The following RSF1 variants were observed in gnomAD, a reference collection of about 807,000 sequenced individuals.
RSF1 encodes the protein HBV pX-associated protein 8.
Under a neutral mutation model 145.2 loss-of-function variants are expected in RSF1, and 13 were observed. That is an observed-to-expected ratio of 0.09 (90% CI 0.06 to 0.14). RSF1 has a LOEUF of 0.14. RSF1 is among the 10% of genes least tolerant of loss of function. The probability of loss-of-function intolerance (pLI) is 1.00; values close to 1 mark genes in which losing one functional copy is unlikely to be tolerated. For synonymous variants in RSF1, 577 were observed against 592.6 expected (o/e 0.97, Z 0.38); for missense variants, 1,517 against 1,718.2 (o/e 0.88, Z 2.07).
At chr11:77,778,679 C>T (rs4945210) in intron 1 of RSF1, among the ~76,000 whole-genome samples, 21,582 of 152,100 alleles carry the variant, frequency 0.14, 1,747 homozygotes, top group Admixed American at 0.2. Context: ...ATGAGTCTCA[C>T]TATGTTGCCC....
intron 2 of RSF1, 71 bp from the exon 3 acceptor site, chr11:77,747,199 T>C (rs981899881): frequency 9.6e-6 from 9 of 939,534 alleles, no homozygotes; most frequent in East Asian, 2.5e-5. Context: ...TGTACAACTA[T>C]GCTGTTCTTG....
intron 2 of RSF1, among the ~76,000 whole-genome samples, chr11:77,754,451 A>T (rs76983002): frequency 6.6e-6 from 1 of 151,968 alleles, no homozygotes; most frequent in Non-Finnish European, 1.5e-5. Flanking sequence ...AAAATTTTAA[A>T]AATTAGGGCT....
At chr11:77,826,190 C>T in the RSF1 span, among the ~76,000 whole-genome samples, 3 of 151,880 alleles carry the variant, frequency 2.0e-5, no homozygotes, top group African/African-American at 4.8e-5. Context: ...GGTGAAACTT[C>T]GTCTCTACTA....
chr11:77,782,473 G>A (rs1354885405), intron 1 of RSF1, among the ~76,000 whole-genome samples: 3 of 152,164 alleles, frequency 2.0e-5, no homozygotes, highest in South Asian at 4.2e-4. Flanking sequence ...TCCAGGAGGT[G>A]GAAGTTGCAG....
chr11:77,668,739 T>C (rs1030749047), intron 15 of RSF1, among the ~76,000 whole-genome samples: 1 of 152,204 alleles, frequency 6.6e-6, no homozygotes, highest in East Asian at 1.9e-4. Context: ...ACAGAGGATA[T>C]GGGTAGGTTA....
chr11:77,775,179 C>T (rs1948329346), intron 1 of RSF1, among the ~76,000 whole-genome samples: 1 of 150,304 alleles, frequency 6.7e-6, no homozygotes, highest in Non-Finnish European at 1.5e-5. Flanking sequence ...ACCCGGGAGG[C>T]AGAGGTTGCA....
chr11:77,863,934 T>C, the RSF1 span, among the ~76,000 whole-genome samples: 1 of 143,812 alleles, frequency 7.0e-6, no homozygotes, highest in Non-Finnish European at 1.5e-5. Flanking sequence ...AGATGATCCC[T>C]TTTTTTTTTG....
rs762964080 is a variant in RSF1, at chr11:77,700,747, T to C, written c.2482A>G (p.Lys828Glu). 1.6e-5 allele frequency: 26 copies of C among 1,587,160 alleles called. No individual in the cohort carries two copies. Among genetic ancestry groups the C allele is most frequent in the Non-Finnish European group, 2.0e-5 (24 of 1,174,270 alleles). ...TTGCTTACTTTAGAATTTGTATCTT[T>C]CTCTGATTTTTTCAAAATTTCCTTT... Reference protein sequence around the residue: ...DKKEILKKSEKDTNSKVSKVK... With the variant: ...DKKEILKKSEEDTNSKVSKVK... The change falls in exon 6 of 16, where the codon AAA becomes GAA. Residue 828 changes from lysine to glutamate, a missense_variant. Transcript: ENST00000308488.
intron 1 of RSF1, among the ~76,000 whole-genome samples, chr11:77,782,345 A>G (rs1338507468): frequency 1.3e-5 from 2 of 152,212 alleles, no homozygotes; most frequent in African/African-American, 4.8e-5. Context: ...GCTGGAGACC[A>G]GCCAGGCCAA....
chr11:77,816,631 G>A (rs1260997099), intron 1 of RSF1, among the ~76,000 whole-genome samples: 5 of 152,128 alleles, frequency 3.3e-5, no homozygotes, highest in Admixed American at 2.0e-4. Flanking sequence ...CCAATATCCA[G>A]ACTGTTTTTA....
At chr11:77,775,222 T>G (rs1590879540) in intron 1 of RSF1, among the ~76,000 whole-genome samples, 1 of 146,864 alleles carries the variant, frequency 6.8e-6, no homozygotes, top group African/African-American at 2.5e-5. Context: ...CATTCCAGCC[T>G]GGGGGACAAC....
chr11:77,813,820 G>GACACACACACACAC (rs10688175), intron 1 of RSF1: 31 of 169,352 alleles, frequency 1.8e-4, no homozygotes, highest in Non-Finnish European at 3.0e-4. Flanking sequence ...TTTGTAAAAG[G>GACACACACACACAC]ACACACACAC....
At chr11:77,871,624 T>A in the RSF1 span, among the ~76,000 whole-genome samples, 84 of 152,300 alleles carry the variant, frequency 5.5e-4, no homozygotes, top group African/African-American at 1.8e-3. Flanking sequence ...GTAAGTACTA[T>A]TATACCTATT....
intron 4 of RSF1, among the ~76,000 whole-genome samples, chr11:77,730,907 C>T (rs549505731): frequency 3.9e-5 from 6 of 152,234 alleles, no homozygotes; most frequent in Non-Finnish European, 8.8e-5. Flanking sequence ...TTGTAAATTG[C>T]CAAGTCTTGT....
intron 5 of RSF1, among the ~76,000 whole-genome samples, chr11:77,719,864 T>C (rs1960904393): frequency 6.6e-6 from 1 of 152,246 alleles, no homozygotes; most frequent in African/African-American, 2.4e-5. Context: ...TTACGCTAGA[T>C]GAAAATGTCA....
chr11:77,747,240 C>A, intron 2 of RSF1, 112 bp from the exon 3 acceptor site: 1 of 639,986 alleles, frequency 1.6e-6, no homozygotes. Context: ...AAAGAGGTTA[C>A]ACTAAACAGT....
At position 77,663,215 on chromosome 11, in the gene RSF1, G is replaced by A. The variant is rs1008535501; in HGVS notation, c.*3702C>T. 2 of 152,102 alleles carry A rather than the reference G, an allele frequency of 1.3e-5. No individual in the cohort carries two copies. Among genetic ancestry groups the A allele is most frequent in the Non-Finnish European group, 2.9e-5 (2 of 68,016 alleles). The allele number at this position is 152,102 out of a possible 1,614,324, so 9.4% of individuals were successfully genotyped here. ...ACAGTTGTGTGGTAGAATCAGCAAAGGGTTAACATCTCTTATGCCCACAAA... is the reference window on the plus strand; with the variant it reads ...ACAGTTGTGTGGTAGAATCAGCAAAAGGTTAACATCTCTTATGCCCACAAA... On this transcript the variant is annotated 3_prime_UTR_variant, in exon 16 of 16. Transcript: ENST00000308488.
chr11:77,764,900 T>C (rs958625543), intron 1 of RSF1, among the ~76,000 whole-genome samples: 5 of 152,160 alleles, frequency 3.3e-5, no homozygotes, highest in Non-Finnish European at 7.4e-5. Context: ...AGCAAGAATA[T>C]TCACATTTTC....
chr11:77,742,661 T>A (rs1027326363), intron 3 of RSF1, among the ~76,000 whole-genome samples: 4 of 152,218 alleles, frequency 2.6e-5, no homozygotes, highest in African/African-American at 9.6e-5. Flanking sequence ...CTAACAAGCA[T>A]GAAGTGATAC....
Sources: gnomAD v4.1 joint callset for allele counts (sites outside exome capture counted in the v4.1 genomes callset) on GRCh38, gnomAD v4.1.1 for gene constraint, MANE v1.5 for transcripts, NCBI Gene and HGNC (gene_info 2026-07-23, HGNC 2026-07-21) for gene names.